FREM1: variants seen among roughly 807,000 people sequenced by gnomAD.
FREM1 encodes FRAS1-related extracellular matrix protein 1.
A neutral mutation model predicts 210.1 loss-of-function variants in FREM1; 220 were observed. That is an observed-to-expected ratio of 1.05 (90% CI 0.94 to 1.17). The LOEUF (loss-of-function observed/expected upper bound fraction) is 1.17, where lower values mean the gene tolerates loss of function less well. Ranked by LOEUF, FREM1 falls within the 50% of genes most tolerant of loss-of-function variation. The probability of loss-of-function intolerance (pLI) is 0.00; values close to 1 mark genes in which losing one functional copy is unlikely to be tolerated. For synonymous variants in FREM1, 1,189 were observed against 980.2 expected, an observed-to-expected ratio of 1.21 and a Z score of -3.98; for missense variants, 3,454 against 2,675.5, an observed-to-expected ratio of 1.29 and a Z score of -6.42.
At position 14,765,483 on chromosome 9, in the gene FREM1, G is replaced by A. The variant is rs568259183; in HGVS notation, c.5204+4241C>T. ...GATTAAAATTAAAATTAGTTAGTAT[G>A]TATAAAGCACCTGTACACAGTGGGT... is the stretch of plus-strand genomic sequence containing the variant. On this transcript the variant is annotated intron_variant, in intron 27 of 36. Transcript: ENST00000380880. Among the ~76,000 whole-genome samples, 7 of 152,300 alleles carry A rather than the reference G, an allele frequency of 4.6e-5. No homozygotes were observed. In the South Asian group the frequency reaches 8.3e-4, roughly 18 times the overall value.
At chr9:14,899,796 G>A (rs1184424879) in intron 1 of FREM1, among the ~76,000 whole-genome samples, 1 of 152,220 alleles carries the variant, frequency 6.6e-6, no homozygotes, top group Non-Finnish European at 1.5e-5. Context: ...AGTTCAAACT[G>A]TGATGTCCCT....
chr9:14,800,736 A>C (rs1043368532), intron 20 of FREM1, among the ~76,000 whole-genome samples: 1 of 152,160 alleles, frequency 6.6e-6, no homozygotes, highest in African/African-American at 2.4e-5. Flanking sequence ...TGCCTTTTCA[A>C]TTACCTACTA....
chr9:14,815,969 G>C (rs923717746), intron 15 of FREM1, among the ~76,000 whole-genome samples: 1 of 152,036 alleles, frequency 6.6e-6, no homozygotes, highest in Admixed American at 6.6e-5. Context: ...TTTATGTGCA[G>C]ATTTTTCATT....
Position 14,779,458 on chromosome 9 carries a change from G to A in FREM1, c.4443-3255C>T, listed in dbSNP as rs529453345. 77 of 984,520 alleles carry A rather than the reference G, an allele frequency of 7.8e-5. 1 individual carries two copies. In the South Asian group the frequency reaches 3.2e-3, roughly 41 times the overall value. The allele number at this position is 984,520 out of a possible 1,614,324, so 61.0% of individuals were successfully genotyped here. Reference sequence around the variant, plus strand: ...CCAGGAGCAACAAACCCAAATGCAAGCTTGAGTGAGTGCCAGGGACTCCAT... The same window carrying A: ...CCAGGAGCAACAAACCCAAATGCAAACTTGAGTGAGTGCCAGGGACTCCAT... On this transcript the variant is annotated intron_variant, in intron 24 of 36. Coordinates refer to ENST00000380880, the MANE Select transcript of FREM1 (RefSeq NM_001379081.2).
intron 32 of FREM1, 82 bp from the exon 33 acceptor site, chr9:14,747,510 T>A: frequency 7.2e-7 from 1 of 1,391,292 alleles, no homozygotes. Context: ...ATTCAAAAAT[T>A]CAGTCAAAGC....
chr9:14,843,702 C>T (rs987221568), intron 8 of FREM1, among the ~76,000 whole-genome samples: 1 of 150,556 alleles, frequency 6.6e-6, no homozygotes, highest in Non-Finnish European at 1.5e-5. Flanking sequence ...TACATGGCAG[C>T]AGTTCTTAGA....
In FREM1 at chr9:14,849,515, G is replaced by T. The variant is rs143703797; in HGVS notation, c.1153-742C>A. Among the ~76,000 whole-genome samples the T allele has an allele frequency of 2.2e-3, 332 of 152,312 alleles. 2 individuals carry two copies. Among genetic ancestry groups the T allele is most frequent in the African/African-American group, 7.4e-3 (306 of 41,556 alleles). On this transcript the variant is annotated intron_variant, in intron 6 of 36. Transcript: ENST00000380880. ...ATGAGGTATAACACAGAAATGCAAGGCATACTCCCTACTTTTGAAGAACAT... is the reference window on the plus strand; with the variant it reads ...ATGAGGTATAACACAGAAATGCAAGTCATACTCCCTACTTTTGAAGAACAT...
chr9:14,737,828 C>G (rs185376295), intron 36 of FREM1, among the ~76,000 whole-genome samples: 3 of 152,248 alleles, frequency 2.0e-5, no homozygotes, highest in Admixed American at 2.0e-4. Context: ...TACTTAACCT[C>G]TCTGAGTTTC....
Position 14,808,098 on chromosome 9 carries a change from A to G in FREM1, c.2930T>C (p.Ile977Thr). 6.2e-7 allele frequency: 1 copy of G among 1,612,508 alleles called. No individual in the cohort carries two copies. The highest frequency in any genetic ancestry group is 1.1e-5 in the South Asian group (1 of 90,746). ...CTCTCCATCCGAAACCACCAATGTA[A>G]TGGTGTCAAAACAAGGCATCAGGCC... Reference protein sequence around the residue: ...EIGLMPCFDTITLVVSDGEAG... With the variant: ...EIGLMPCFDTTTLVVSDGEAG... Residue 977 changes from isoleucine (I) to threonine (T), a missense_variant, in exon 17 of 37, where the codon ATT becomes ACT. Ile to Thr is a moderately conservative substitution (Grantham distance 89). Transcript: ENST00000380880.
intron 10 of FREM1, among the ~76,000 whole-genome samples, chr9:14,828,909 G>C (rs557141386): frequency 2.0e-5 from 3 of 152,264 alleles, no homozygotes; most frequent in East Asian, 3.9e-4. Context: ...ATAGTCCTGA[G>C]TATACCACTT....
intron 2 of FREM1, among the ~76,000 whole-genome samples, chr9:14,866,931 C>T (rs1199372987): frequency 6.6e-6 from 1 of 152,004 alleles, no homozygotes; most frequent in East Asian, 1.9e-4. Flanking sequence ...ACTATCTTGG[C>T]TCACTGCAAC....
intron 1 of FREM1, among the ~76,000 whole-genome samples, chr9:14,902,453 T>C (rs1180053092): frequency 1.3e-5 from 2 of 152,202 alleles, no homozygotes; most frequent in Non-Finnish European, 2.9e-5. Context: ...CCATGCGCTA[T>C]CAAGGGACTG....
chr9:14,802,896 G>C (rs72711373), intron 19 of FREM1, among the ~76,000 whole-genome samples: 22 of 152,158 alleles, frequency 1.4e-4, no homozygotes, highest in East Asian at 5.8e-4. Context: ...AAAGGGCAGA[G>C]ATCAGGATGT....
intron 14 of FREM1, among the ~76,000 whole-genome samples, chr9:14,818,944 T>C (rs1820786002): frequency 6.6e-6 from 1 of 152,210 alleles, no homozygotes; most frequent in South Asian, 2.1e-4. Context: ...TATTACCTCC[T>C]GTGATATGTG....
intron 19 of FREM1, among the ~76,000 whole-genome samples, chr9:14,803,790 G>C (rs1257584383): frequency 6.6e-6 from 1 of 152,136 alleles, no homozygotes; most frequent in Non-Finnish European, 1.5e-5. Context: ...GTGCTAAAAG[G>C]ATGCTGATTT....
rs1170673338 is a variant in FREM1, at chr9:14,860,940, CAT to C, written c.330-1458_330-1457del. Among the ~76,000 whole-genome samples the C allele has an allele frequency of 1.0e-4, 7 of 67,220 alleles. 1 individual carries two copies. The highest frequency in any genetic ancestry group is 1.7e-4 in the African/African-American group (2 of 11,582). 44.1% of individuals were successfully genotyped at this position (67,220 alleles called of 152,430 possible). ...ATACACATATATACACATATACACA[CAT>C]ATACACATATACACATATATACACA... is the stretch of plus-strand genomic sequence containing the variant. On this transcript the variant is annotated intron_variant, in intron 3 of 36. Transcript: ENST00000380880.
chr9:14,857,971 C>T (rs1015646503), intron 4 of FREM1, among the ~76,000 whole-genome samples: 2 of 152,260 alleles, frequency 1.3e-5, no homozygotes, highest in Admixed American at 6.5e-5. Flanking sequence ...CCTCACCCAC[C>T]AAAAGTTAAA....
Position 14,836,405 on chromosome 9 carries a change from G to A in FREM1, c.1881+5042C>T, listed in dbSNP as rs999547857. Among the ~76,000 whole-genome samples, 1 of 152,148 alleles carries A rather than the reference G, an allele frequency of 6.6e-6. No homozygotes were observed. Among genetic ancestry groups the A allele is most frequent in the Non-Finnish European group, 1.5e-5 (1 of 68,028 alleles). ...AGGATTTTTTATTGGATTTAGTGATGCACTTTTAAATGAAACATGCTGCTT... is the reference window on the plus strand; with the variant it reads ...AGGATTTTTTATTGGATTTAGTGATACACTTTTAAATGAAACATGCTGCTT... On this transcript the variant is annotated intron_variant, in intron 10 of 36. Coordinates refer to ENST00000380880, the MANE Select transcript of FREM1 (RefSeq NM_001379081.2). The surrounding 1 kb of genome is among the most constrained non-coding windows in gnomAD (Gnocchi z 4.9).
chr9:14,868,746 G>A lies in FREM1; in HGVS notation c.232C>T (p.Gln78Ter). 1 of 1,600,510 alleles carries A rather than the reference G, an allele frequency of 6.2e-7. No homozygotes were observed. Among genetic ancestry groups the A allele is most frequent in the Non-Finnish European group, 8.5e-7 (1 of 1,170,116 alleles). Reference protein sequence around the residue: ...ITQRVGKLTPQVFDCHFLPNE... With the variant: ...ITQRVGKLTP ...AGAAAATCGCAGATAGGACCTACCT[G>A]TGGAGTGAGTTTCCCAACCCTCTGG... The change falls in exon 2 of 37, where the codon CAG becomes TAG. Residue 78 changes from glutamine (Q) to a stop codon, truncating the protein, a stop_gained and splice_region_variant. Transcript: ENST00000380880. LOFTEE classifies it high-confidence loss of function.
Sources: gnomAD v4.1 joint callset for allele counts (sites outside exome capture counted in the v4.1 genomes callset) on GRCh38, gnomAD v4.1.1 for gene constraint, Gnocchi (gnomAD v3.1) non-coding constraint, MANE v1.5 for transcripts, NCBI Gene and HGNC (gene_info 2026-07-23, HGNC 2026-07-21) for gene names.